Variants in CRYBG1 observed in about 807,000 individuals in gnomAD.
The protein encoded by CRYBG1 is crystallin beta-gamma domain containing 1.
Under a neutral mutation model 189.2 loss-of-function variants are expected in CRYBG1, and 139 were observed. The observed-to-expected ratio is 0.73, with a 90% CI of 0.64 to 0.85. The LOEUF is 0.85. CRYBG1 is among the 40% of genes least tolerant of loss of function. CRYBG1 has a pLI of 0.00. For missense variants in CRYBG1, 2,611 were observed against 2,675.8 expected (o/e 0.98, Z 0.53); for synonymous variants, 1,023 against 1,017.1 (o/e 1.01, Z -0.11).
At position 106,451,759 on chromosome 6, in the gene CRYBG1, G is replaced by A. The variant is rs1311405598; in HGVS notation, c.239G>A (p.Gly80Glu). ...RDSQEFPLHC[G>E]ESQFFHTTSE... ...TCCCAGGAATTTCCACTGCACTGTG[G>A]GGAATCCCAGTTCTTCCACACCACC... The change falls in exon 2 of 22, where the codon GGG becomes GAG. Residue 80 changes from glycine to glutamate, a missense_variant. Coordinates refer to ENST00000633556, the MANE Select transcript of CRYBG1 (RefSeq NM_001371242.2). The A allele has an allele frequency of 6.5e-7, 1 of 1,534,768 alleles. No individual in the cohort carries two copies. The highest frequency in any genetic ancestry group is 2.4e-5 in the East Asian group (1 of 40,880).
chr6:106,362,232 G>A (rs561218508), intron 1 of CRYBG1, among the ~76,000 whole-genome samples: 1 of 151,608 alleles, frequency 6.6e-6, no homozygotes, highest in African/African-American at 2.4e-5. Flanking sequence ...GCCTCCCAAA[G>A]TGCTGGGATT....
rs1472482671 is a variant in CRYBG1 at position 106,569,810 on chromosome 6, G to A, written c.*1244G>A. On this transcript the variant is annotated 3_prime_UTR_variant, in exon 22 of 22. Coordinates refer to ENST00000633556, the MANE Select transcript of CRYBG1 (RefSeq NM_001371242.2). The stretch of plus-strand genomic sequence containing the variant: ...ATGCTTCAGGGTATAGCTGTTGGTG[G>A]ACAGCCTCAGGTCTTGGGGGCACTA... 6.6e-6 allele frequency: 1 copy of A among 152,166 alleles called. No homozygotes were observed. Among genetic ancestry groups the A allele is most frequent in the African/African-American group, 2.4e-5 (1 of 41,424 alleles). The allele number at this position is 152,166 out of a possible 1,614,324, so 9.4% of individuals were successfully genotyped here.
chr6:106,528,944 A>T (rs897528159), intron 7 of CRYBG1, among the ~76,000 whole-genome samples: 5 of 149,984 alleles, frequency 3.3e-5, no homozygotes, highest in Non-Finnish European at 4.4e-5. Context: ...ATAATTTATA[A>T]TTTTCTTTTT....
At chr6:106,464,092 G>A (rs1037145038) in intron 2 of CRYBG1, among the ~76,000 whole-genome samples, 5 of 152,218 alleles carry the variant, frequency 3.3e-5, no homozygotes, top group African/African-American at 1.2e-4. Flanking sequence ...AGCTCTCAAT[G>A]TGACAAACAC....
chr6:106,546,144 G>C (rs755864455), intron 13 of CRYBG1, among the ~76,000 whole-genome samples: 8 of 152,206 alleles, frequency 5.3e-5, no homozygotes, highest in Non-Finnish European at 1.0e-4. Flanking sequence ...GAGATGTAGG[G>C]TCTATCCCAT....
At chr6:106,390,552 A>G (rs771764059) in intron 1 of CRYBG1, among the ~76,000 whole-genome samples, 9 of 152,104 alleles carry the variant, frequency 5.9e-5, no homozygotes, top group Non-Finnish European at 8.8e-5. Context: ...AAAATATGAA[A>G]CATTACTGTT....
At position 106,544,606 on chromosome 6, in the gene CRYBG1, A is replaced by G; in HGVS notation, c.5075A>G (p.His1692Arg). Residue 1692 changes from histidine to arginine, a missense_variant, in exon 12 of 22, where the codon CAT becomes CGT. Physicochemically the swap from His to Arg is conservative, Grantham distance 29. Around this residue, in one of 3 missense-constraint regions of CRYBG1, gnomAD observed 1,622 missense variants for 1,735.0 expected, o/e 0.93. Coordinates refer to ENST00000633556, the MANE Select transcript of CRYBG1 (RefSeq NM_001371242.2). ...TATGAGAAACCTGGATTTACCGGTC[A>G]TCAGTATTTGCTAGAAGAAGGAGAA... ...VAYEKPGFTG[H>R]QYLLEEGEYR... 1 of 1,613,994 alleles carries G rather than the reference A, an allele frequency of 6.2e-7. No individual in the cohort carries two copies. The highest frequency in any genetic ancestry group is 8.5e-7 in the Non-Finnish European group (1 of 1,179,882).
At chr6:106,496,929 C>T (rs1772864448) in intron 2 of CRYBG1, among the ~76,000 whole-genome samples, 1 of 152,062 alleles carries the variant, frequency 6.6e-6, no homozygotes, top group South Asian at 2.1e-4. Flanking sequence ...GAGCCTGGCG[C>T]ACAGGCTTGT....
At chr6:106,523,588 A>G (rs1004925852) in intron 4 of CRYBG1, among the ~76,000 whole-genome samples, 3 of 152,122 alleles carry the variant, frequency 2.0e-5, no homozygotes, top group African/African-American at 4.8e-5. Flanking sequence ...TATTGATTGT[A>G]TATTCAATCA....
chr6:106,399,622 G>A (rs1273148852), intron 1 of CRYBG1, among the ~76,000 whole-genome samples: 1 of 151,340 alleles, frequency 6.6e-6, no homozygotes, highest in African/African-American at 2.4e-5. Flanking sequence ...CTTCAGTCTG[G>A]GTTTTCCGAT....
intron 18 of CRYBG1, 149 bp downstream of exon 18, chr6:106,558,774 G>A (rs1774624302): frequency 7.8e-6 from 5 of 638,086 alleles, no homozygotes; most frequent in Non-Finnish European, 1.2e-5. Flanking sequence ...AAAAGCCTGG[G>A]CAACAAAGTG....
intron 1 of CRYBG1, among the ~76,000 whole-genome samples, chr6:106,382,839 T>G (rs1770311738): frequency 6.6e-6 from 1 of 152,216 alleles, no homozygotes; most frequent in African/African-American, 2.4e-5. Flanking sequence ...TTATAAAAAA[T>G]TGTGATTAAC....
At position 106,552,204 on chromosome 6, in the gene CRYBG1, G is replaced by A; in HGVS notation, c.5460G>A (p.Arg1820=). The change falls in exon 15 of 22, where the codon AGG becomes AGA. Residue 1820 remains arginine, a synonymous_variant. Coordinates refer to ENST00000633556, the MANE Select transcript of CRYBG1 (RefSeq NM_001371242.2). ...TTTAGGATTCTTTCACTGGCCCAAGGAGACGAAATCAGGTAACTTTAAAAA... is the reference window on the plus strand; with the variant it reads ...TTTAGGATTCTTTCACTGGCCCAAGAAGACGAAATCAGGTAACTTTAAAAA... ...PICLDSFTGP[R]RRNQIHLFSE... is the part of the protein sequence containing the mutation. 1 of 1,575,954 alleles carries A rather than the reference G, an allele frequency of 6.3e-7. No individual in the cohort carries two copies. The highest frequency in any genetic ancestry group is 8.7e-7 in the Non-Finnish European group (1 of 1,155,572).
At chr6:106,426,217 C>T (rs1283740233) in intron 1 of CRYBG1, among the ~76,000 whole-genome samples, 2 of 152,174 alleles carry the variant, frequency 1.3e-5, no homozygotes, top group African/African-American at 4.8e-5. Context: ...ATGTCTAAGT[C>T]AAGCCTTTCA....
In CRYBG1 at chr6:106,527,443, G is replaced by C. The variant is rs1773767742; in HGVS notation, c.4551G>C (p.Val1517=). Residue 1517 remains valine (V), a synonymous_variant, in exon 7 of 22, where the codon GTG becomes GTC. Transcript: ENST00000633556. ...AAGCAGAGTCTGATAAGCCAGTGGTGATTGGTTCCATCAGACATGTGGTTC... is the reference window on the plus strand; with the variant it reads ...AAGCAGAGTCTGATAAGCCAGTGGTCATTGGTTCCATCAGACATGTGGTTC... ...HEEAESDKPV[V]IGSIRHVVQD... 3.1e-6 allele frequency: 5 copies of C among 1,611,876 alleles called. No homozygotes were observed. Among genetic ancestry groups the C allele is most frequent in the Non-Finnish European group, 4.2e-6 (5 of 1,178,698 alleles).
chr6:106,504,219 T>C (rs1773077272), intron 2 of CRYBG1, among the ~76,000 whole-genome samples: 2 of 152,132 alleles, frequency 1.3e-5, no homozygotes, highest in African/African-American at 4.8e-5. Flanking sequence ...CCCGGGAGAC[T>C]GGGAGCAGTG....
At chr6:106,409,098 T>C (rs1477784216) in intron 1 of CRYBG1, among the ~76,000 whole-genome samples, 1 of 152,164 alleles carries the variant, frequency 6.6e-6, no homozygotes, top group Non-Finnish European at 1.5e-5. Context: ...TGTTTGCAAA[T>C]GACATGATTG....
chr6:106,531,076 G>A (rs1321118666), intron 8 of CRYBG1, among the ~76,000 whole-genome samples: 1 of 152,128 alleles, frequency 6.6e-6, no homozygotes, highest in East Asian at 1.9e-4. Context: ...TTTTACTAAT[G>A]GTTTATACAG....
chr6:106,436,459 T>C (rs887340493), intron 1 of CRYBG1, among the ~76,000 whole-genome samples: 4 of 152,108 alleles, frequency 2.6e-5, no homozygotes, highest in Non-Finnish European at 5.9e-5. Flanking sequence ...CACCTCGCCC[T>C]ACTGTTTTGT....
Sources: allele counts gnomAD v4.1 joint callset (sites outside exome capture counted in the v4.1 genomes callset), GRCh38; gene constraint gnomAD v4.1.1; regional missense constraint gnomAD v4.1.1; transcripts MANE v1.5; gene names NCBI Gene and HGNC (gene_info 2026-07-23, HGNC 2026-07-21).